Variants in PDK2 observed in about 807,000 individuals in gnomAD.
The protein encoded by PDK2 is pyruvate dehydrogenase kinase 2.
Under a neutral mutation model 50.4 loss-of-function variants are expected in PDK2, and 34 were observed. The observed-to-expected ratio is 0.68, with a 90% CI of 0.51 to 0.90. The LOEUF (loss-of-function observed/expected upper bound fraction) is 0.90, where lower values mean the gene tolerates loss of function less well. Among genes scored for constraint, PDK2 ranks in the 40% least tolerant of loss-of-function variants. The pLI, the probability that PDK2 is intolerant of heterozygous loss-of-function variation, is 0.00. For missense variants in PDK2, 377 were observed against 544.5 expected (o/e 0.69, Z 3.06); for synonymous variants, 232 against 216.0 (o/e 1.07, Z -0.65).
At chr17:50,096,317 G>A in intron 1 of PDK2, 1 of 984,912 alleles carries the variant, frequency 1.0e-6, no homozygotes, top group Non-Finnish European at 1.2e-6. Context: ...GCAACCTGGG[G>A]GTGGCCCTGG....
At chr17:50,102,923 G>GA (rs149894349) in intron 2 of PDK2, among the ~76,000 whole-genome samples, 7,810 of 152,226 alleles carry the variant, frequency 0.051, 219 homozygotes, top group African/African-American at 0.084. Flanking sequence ...GTCTGCAAGA[G>GA]CTAGGTTTGA....
intron 5 of PDK2, 68 bp downstream of exon 5, chr17:50,106,951 G>C: frequency 1.3e-6 from 2 of 1,503,432 alleles, no homozygotes; most frequent in East Asian, 4.5e-5. Flanking sequence ...TACCTGGCCA[G>C]AGGGTGACTC....
At chr17:50,095,853 AG>A in intron 1 of PDK2, 2 of 1,059,748 alleles carry the variant, frequency 1.9e-6, no homozygotes, top group Non-Finnish European at 2.4e-6. Context: ...GGAAGGGAGT[AG>A]GGTGGTATCC....
intron 6 of PDK2, among the ~76,000 whole-genome samples, chr17:50,107,820 C>A (rs1910595689): frequency 6.6e-6 from 1 of 152,184 alleles, no homozygotes; most frequent in Non-Finnish European, 1.5e-5. Context: ...ATCAGCTTGG[C>A]TGCTTTCCTA....
intron 6 of PDK2, among the ~76,000 whole-genome samples, chr17:50,107,507 G>C (rs1286362197): frequency 1.3e-5 from 2 of 152,186 alleles, no homozygotes; most frequent in Non-Finnish European, 2.9e-5. Context: ...CTTGAACCCG[G>C]GAGGCTGAGA....
chr17:50,102,107 C>G lies in PDK2; in HGVS notation c.261-3264C>G, dbSNP rs546654274. On this transcript the variant is annotated intron_variant, in intron 2 of 10. Transcript: ENST00000503176. ...GGCCAGCGCCACTCGTCCCCAATCT[C>G]CCTTCTTAGGATCAAGAACCGGCCC... Among the ~76,000 whole-genome samples, 5 of 152,338 alleles carry G rather than the reference C, an allele frequency of 3.3e-5. 1 individual carries two copies. In the South Asian group the frequency reaches 1.0e-3, roughly 32 times the overall value.
rs139967063 is a variant in PDK2 at position 50,102,468 on chromosome 17, A to G, written c.261-2903A>G. Among the ~76,000 whole-genome samples the G allele has an allele frequency of 1.9e-3, 294 of 151,288 alleles. 2 individuals carry two copies. Among genetic ancestry groups the G allele is most frequent in the African/African-American group, 6.9e-3 (283 of 41,142 alleles). On this transcript the variant is annotated intron_variant, in intron 2 of 10. Coordinates refer to ENST00000503176, the MANE Select transcript of PDK2 (RefSeq NM_002611.5). ...CCCACCCCCACCCACTGCCCAGCAC[A>G]GTCAGGAAGTGGCTTAGCCTCCCAG...
At chr17:50,100,925 A>G (rs1261641817) in intron 2 of PDK2, 1 of 152,308 alleles carries the variant, frequency 6.6e-6, no homozygotes, top group Non-Finnish European at 1.5e-5. Flanking sequence ...TTCATGGTGC[A>G]AGTCTGTGGG....
intron 2 of PDK2, among the ~76,000 whole-genome samples, chr17:50,097,994 A>G (rs1910036538): frequency 6.6e-6 from 1 of 152,234 alleles, no homozygotes; most frequent in Non-Finnish European, 1.5e-5. Flanking sequence ...CCAAGCTGCA[A>G]GACAGACTGT....
chr17:50,095,367 C>T lies in PDK2; in HGVS notation c.-69C>T, dbSNP rs533723326. On this transcript the variant is annotated 5_prime_UTR_variant, in exon 1 of 11. Coordinates refer to ENST00000503176, the MANE Select transcript of PDK2 (RefSeq NM_002611.5). ...TAGGGAGGAGGCGGCCGAACCGCGT[C>T]GCTGGGCCGAAAGGTGCGCGAGCGC... is the stretch of plus-strand genomic sequence containing the variant. 2.4e-5 allele frequency: 28 copies of T among 1,178,978 alleles called. No individual in the cohort carries two copies. In the African/African-American group the frequency reaches 3.5e-4, roughly 15 times the overall value. 73.0% of individuals were successfully genotyped at this position (1,178,978 alleles called of 1,614,324 possible).
At chr17:50,103,473 A>G (rs1458360308) in intron 2 of PDK2, among the ~76,000 whole-genome samples, 1 of 152,236 alleles carries the variant, frequency 6.6e-6, no homozygotes, top group Non-Finnish European at 1.5e-5. Context: ...AAGAGCAAGC[A>G]TTAGAGAGTG....
rs1262156850 is a variant in PDK2, at chr17:50,101,733, C to G, written c.261-3638C>G. 6.6e-6 allele frequency: 1 copy of G among 152,380 alleles called. No individual in the cohort carries two copies. The highest frequency in any genetic ancestry group is 1.5e-5 in the Non-Finnish European group (1 of 68,154). 9.4% of individuals were successfully genotyped at this position (152,380 alleles called of 1,614,324 possible). ...CGCCCCCACCGCCCATTATCAGCCC[C>G]ACACTCTCAGCAAGCCTCCTGGCTT... is the stretch of plus-strand genomic sequence containing the variant. On this transcript the variant is annotated intron_variant, in intron 2 of 10. Transcript: ENST00000503176. The surrounding 1 kb of genome is among the most constrained non-coding windows in gnomAD (Gnocchi z 4.2).
In PDK2 at chr17:50,110,178, G is replaced by A. The variant is rs934361514; in HGVS notation, c.*81G>A. On this transcript the variant is annotated 3_prime_UTR_variant, in exon 11 of 11. Coordinates refer to ENST00000503176, the MANE Select transcript of PDK2 (RefSeq NM_002611.5). ...CCGTGGTGCCCCTCACCATCCTCCT[G>A]GGGGAGCAGGGGGTGGGTTCTCCCT... The A allele has an allele frequency of 1.8e-5, 26 of 1,419,100 alleles. No homozygotes were observed. The highest frequency in any genetic ancestry group is 2.5e-4 in the Middle Eastern group (1 of 3,962). 87.9% of individuals were successfully genotyped at this position (1,419,100 alleles called of 1,614,324 possible). A position where few individuals can be genotyped will look rare whatever the true frequency, so the allele number is the denominator to read the frequency against.
At chr17:50,098,330 A>T (rs986869198) in intron 2 of PDK2, 4 of 152,174 alleles carry the variant, frequency 2.6e-5, no homozygotes, top group African/African-American at 9.7e-5. Context: ...CTGTAGACTG[A>T]GGAGCACGTG....
intron 2 of PDK2, among the ~76,000 whole-genome samples, chr17:50,099,956 A>C (rs1910138629): frequency 6.6e-6 from 1 of 152,232 alleles, no homozygotes; most frequent in Non-Finnish European, 1.5e-5. Flanking sequence ...GGACTTCCCG[A>C]CAGGGTTGAG....
intron 6 of PDK2, among the ~76,000 whole-genome samples, chr17:50,107,436 C>A (rs1374892706): frequency 6.6e-6 from 1 of 152,106 alleles, no homozygotes; most frequent in South Asian, 2.1e-4. Context: ...CAAAAATTAG[C>A]CGGGCATGAT....
In PDK2 at chr17:50,102,847, C is replaced by T. The variant is rs192330227; in HGVS notation, c.261-2524C>T. On this transcript the variant is annotated intron_variant, in intron 2 of 10. Transcript: ENST00000503176. ...ATTGGTACCCAGTAAATGCCACCATCACCATCAGCAGCGGCATCACCGTCA... is the reference window on the plus strand; with the variant it reads ...ATTGGTACCCAGTAAATGCCACCATTACCATCAGCAGCGGCATCACCGTCA... 4.6e-3 allele frequency among the ~76,000 whole-genome samples: 701 copies of T among 152,316 alleles called. 24 individuals are homozygous for T. Among genetic ancestry groups the T allele is most frequent in the Admixed American group, 0.041 (629 of 15,300 alleles).
At chr17:50,095,604 G>A in intron 1 of PDK2, 51 bp downstream of exon 1, 1 of 1,530,562 alleles carries the variant, frequency 6.5e-7, no homozygotes, top group Non-Finnish European at 8.9e-7. Flanking sequence ...GGGGCGCTGG[G>A]AGGGGCAGCC....
chr17:50,095,861 A>T, intron 1 of PDK2: 3 of 995,244 alleles, frequency 3.0e-6, no homozygotes, highest in Non-Finnish European at 3.8e-6. Flanking sequence ...GTAGGGTGGT[A>T]TCCAGACGCG....
Sources: allele counts gnomAD v4.1 joint callset (sites outside exome capture counted in the v4.1 genomes callset), GRCh38; gene constraint gnomAD v4.1.1; non-coding constraint Gnocchi (gnomAD v3.1); transcripts MANE v1.5; gene names NCBI Gene and HGNC (gene_info 2026-07-23, HGNC 2026-07-21).